NARS2: variants seen among roughly 807,000 people sequenced by gnomAD.
NARS2 encodes asparaginyl-tRNA synthetase 2, mitochondrial, also known as asparaginyl-tRNA synthetase.
Under a neutral mutation model 62.9 loss-of-function variants are expected in NARS2, and 60 were observed. That is an observed-to-expected ratio of 0.95 (90% CI 0.77 to 1.18). The LOEUF (loss-of-function observed/expected upper bound fraction) is 1.18. NARS2 is among the 50% of genes most tolerant of loss of function. The pLI, the probability that NARS2 is intolerant of heterozygous loss-of-function variation, is 0.00. For synonymous variants in NARS2, 196 were observed against 200.0 expected, an observed-to-expected ratio of 0.98 and a Z score of 0.17; for missense variants, 619 against 576.4, an observed-to-expected ratio of 1.07 and a Z score of -0.76.
intron 7 of NARS2, among the ~76,000 whole-genome samples, chr11:78,483,688 T>A (rs1859452271): frequency 6.6e-6 from 1 of 152,086 alleles, no homozygotes; most frequent in African/African-American, 2.4e-5. Flanking sequence ...ACAAGGGATG[T>A]GAAGGACCTC....
intron 6 of NARS2, among the ~76,000 whole-genome samples, chr11:78,498,455 T>C (rs1002414248): frequency 2.6e-5 from 4 of 152,210 alleles, no homozygotes; most frequent in Admixed American, 6.5e-5. Context: ...CTTTTCCTTA[T>C]ATGATTTCCC....
chr11:78,529,471 C>G (rs1216521879), intron 5 of NARS2, among the ~76,000 whole-genome samples: 1 of 152,158 alleles, frequency 6.6e-6, no homozygotes, highest in Non-Finnish European at 1.5e-5. Flanking sequence ...AAAAGCATGA[C>G]TCTATCTTTA....
intron 5 of NARS2, among the ~76,000 whole-genome samples, chr11:78,538,524 C>G (rs2135453292): frequency 6.6e-6 from 1 of 152,142 alleles, no homozygotes; most frequent in South Asian, 2.1e-4. Context: ...TAAGCAGTAA[C>G]AAGCAAGCAG....
intron 11 of NARS2, among the ~76,000 whole-genome samples, chr11:78,452,120 A>AT (rs1224071814): frequency 4.6e-5 from 7 of 151,318 alleles, no homozygotes; most frequent in Non-Finnish European, 1.0e-4. Flanking sequence ...TTTTTTTTAA[A>AT]TTTTTTTGAG....
intron 5 of NARS2, among the ~76,000 whole-genome samples, chr11:78,545,451 T>C (rs372672723): frequency 2.0e-5 from 3 of 152,108 alleles, no homozygotes; most frequent in East Asian, 3.8e-4. Context: ...TTGTACTTGC[T>C]GTTCCTTCTG....
intron 11 of NARS2, among the ~76,000 whole-genome samples, chr11:78,444,684 A>C (rs1181691074): frequency 6.8e-6 from 1 of 147,882 alleles, no homozygotes; most frequent in African/African-American, 2.5e-5. Flanking sequence ...GCACCACTGC[A>C]TTCTAGCCTG....
intron 2 of NARS2, among the ~76,000 whole-genome samples, chr11:78,570,098 G>A (rs370528360): frequency 4.1e-4 from 63 of 152,180 alleles, no homozygotes; most frequent in South Asian, 1.2e-3. Flanking sequence ...ACTGAGGCAC[G>A]AGAATTGCCC....
chr11:78,544,654 C>T (rs1057321608), intron 5 of NARS2, among the ~76,000 whole-genome samples: 3 of 151,996 alleles, frequency 2.0e-5, no homozygotes, highest in African/African-American at 4.8e-5. Flanking sequence ...ATTAGCCAGG[C>T]GCGGTGGTGG....
intron 5 of NARS2, among the ~76,000 whole-genome samples, chr11:78,557,608 T>C (rs1856401058): frequency 6.6e-6 from 1 of 152,222 alleles, no homozygotes; most frequent in South Asian, 2.1e-4. Flanking sequence ...TTTCTCTTTC[T>C]GATATTCTGC....
Position 78,528,879 on chromosome 11 carries a change from T to C in NARS2, c.652A>G (p.Thr218Ala). The part of the protein sequence containing the change: ...ENFFNVPAFL[T>A]VSGQLHLEVM... ...TCTAGATGAAGTTGTCCTGAGACAG[T>C]TAAGAAAGCAGGAACATTGAAGAAA... is the stretch of plus-strand genomic sequence containing the variant. The change falls in exon 6 of 14, where the codon ACT (threonine) becomes GCT (alanine). Residue 218 changes from threonine (T) to alanine (A), a missense_variant. Coordinates refer to ENST00000281038, the MANE Select transcript of NARS2 (RefSeq NM_024678.6). 4 of 1,612,938 alleles carry C rather than the reference T, an allele frequency of 2.5e-6. No homozygotes were observed. The highest frequency in any genetic ancestry group is 3.4e-6 in the Non-Finnish European group (4 of 1,179,478).
intron 11 of NARS2, among the ~76,000 whole-genome samples, chr11:78,450,529 C>G (rs1186223857): frequency 6.6e-6 from 1 of 152,134 alleles, no homozygotes; most frequent in Non-Finnish European, 1.5e-5. Flanking sequence ...AAAGTTGCTT[C>G]CCCTCTTAAG....
intron 6 of NARS2, 130 bp from the exon 7 acceptor site, chr11:78,493,325 T>A: frequency 5.0e-6 from 4 of 807,658 alleles, no homozygotes; most frequent in Non-Finnish European, 7.8e-6. Context: ...TGACACATAT[T>A]TGCTGCTACA....
intron 11 of NARS2, among the ~76,000 whole-genome samples, chr11:78,452,106 A>C (rs1447203116): frequency 1.3e-5 from 2 of 151,136 alleles, no homozygotes; most frequent in African/African-American, 4.9e-5. Context: ...TAAATTTTTC[A>C]ATTTTTTTTT....
chr11:78,565,060 CTT>C (rs2135531238), intron 4 of NARS2, among the ~76,000 whole-genome samples: 1 of 152,344 alleles, frequency 6.6e-6, no homozygotes, highest in African/African-American at 2.4e-5. Context: ...TAACAATAAA[CTT>C]TATCTGCTGG....
At chr11:78,543,569 T>G (rs1855717039) in intron 5 of NARS2, among the ~76,000 whole-genome samples, 1 of 152,132 alleles carries the variant, frequency 6.6e-6, no homozygotes, top group South Asian at 2.1e-4. Flanking sequence ...AATAACCATT[T>G]GTAGGAAAAA....
chr11:78,441,115 G>A lies in NARS2; in HGVS notation c.1265C>T (p.Ser422Leu), dbSNP rs746425351. The part of the protein sequence containing the change: ...YHFLEERLAR[S>L]GLTEVYQWYL... ...CCATTGGTAGACTTCTGTAAGTCCCGATCTGTTTAAAGGAAAATAAAATTC... is the reference window on the plus strand; with the variant it reads ...CCATTGGTAGACTTCTGTAAGTCCCAATCTGTTTAAAGGAAAATAAAATTC... The change falls in exon 13 of 14, where the codon TCG becomes TTG. Residue 422 changes from serine to leucine, a missense_variant and splice_region_variant. By Grantham distance (145) the Ser-to-Leu change is moderately radical. Coordinates refer to ENST00000281038, the MANE Select transcript of NARS2 (RefSeq NM_024678.6). The A allele has an allele frequency of 2.0e-5, 33 of 1,611,286 alleles. No homozygotes were observed. In the South Asian group the frequency reaches 2.2e-4, roughly 11 times the overall value.
intron 7 of NARS2, among the ~76,000 whole-genome samples, chr11:78,490,387 C>T (rs1859769665): frequency 6.6e-6 from 1 of 152,214 alleles, no homozygotes. Context: ...AGGCAATGCT[C>T]TGAATAAAAT....
At chr11:78,512,354 C>CA (rs1860750673) in intron 6 of NARS2, among the ~76,000 whole-genome samples, 2 of 152,118 alleles carry the variant, frequency 1.3e-5, no homozygotes, top group South Asian at 4.1e-4. Context: ...TCTTCCTGGC[C>CA]ACACTACCTT....
intron 6 of NARS2, among the ~76,000 whole-genome samples, chr11:78,501,835 T>C (rs1161824111): frequency 1.3e-5 from 2 of 152,228 alleles, no homozygotes; most frequent in Admixed American, 6.5e-5. Flanking sequence ...TCCTCCTGAA[T>C]GTATACCTCA....
Sources: gnomAD v4.1 joint callset for allele counts (sites outside exome capture counted in the v4.1 genomes callset) on GRCh38, gnomAD v4.1.1 for gene constraint, MANE v1.5 for transcripts, NCBI Gene and HGNC (gene_info 2026-07-23, HGNC 2026-07-21) for gene names.